The following ARL15 variants were observed in gnomAD, a reference collection of about 807,000 sequenced individuals.
ARL15 encodes the protein ADP-ribosylation factor-like protein 15.
ARL15 carries 19 observed loss-of-function variants against 25.2 expected under a neutral mutation model. The observed-to-expected ratio is 0.75, with a 90% confidence interval of 0.53 to 1.10. ARL15 has a LOEUF of 1.10. Among genes scored for constraint, ARL15 ranks in the 50% least tolerant of loss-of-function variants. The pLI is 0.00. For missense variants in ARL15, 220 were observed against 246.0 expected, an observed-to-expected ratio of 0.89 and a Z score of 0.71; for synonymous variants, 94 against 86.8, an observed-to-expected ratio of 1.08 and a Z score of -0.46.
intron 1 of ARL15, among the ~76,000 whole-genome samples, chr5:54,180,956 G>C (rs532680501): frequency 6.6e-6 from 1 of 152,122 alleles, no homozygotes; most frequent in South Asian, 2.1e-4. Flanking sequence ...AACCAGACCC[G>C]GGGCCCACGT....
intron 4 of ARL15, among the ~76,000 whole-genome samples, chr5:53,935,994 C>G (rs1746337900): frequency 6.6e-6 from 1 of 152,134 alleles, no homozygotes; most frequent in South Asian, 2.1e-4. Flanking sequence ...GGTGATCCAC[C>G]TGCCTCAGCC....
intron 1 of ARL15, among the ~76,000 whole-genome samples, chr5:54,210,714 A>G (rs1320239919): frequency 2.6e-5 from 4 of 152,368 alleles, no homozygotes; most frequent in East Asian, 1.9e-4. Context: ...ATTTGAATTG[A>G]CTAATCCTCA....
chr5:54,129,912 T>C (rs1256630620), intron 3 of ARL15, among the ~76,000 whole-genome samples: 4 of 152,320 alleles, frequency 2.6e-5, no homozygotes, highest in African/African-American at 9.6e-5. Flanking sequence ...AAATCAATTG[T>C]AAAGTTTATA....
chr5:54,122,591 T>G (rs1753118638), intron 3 of ARL15, among the ~76,000 whole-genome samples: 1 of 152,222 alleles, frequency 6.6e-6, no homozygotes, highest in Admixed American at 6.5e-5. Context: ...TTGGTACTAT[T>G]TTTTTCAGCG....
rs560964527 is a variant in ARL15, at chr5:54,056,670, A to G, written c.462+56532T>C. ...GTCTGATTCAAATTCTTCATTTTAC[A>G]AATAAAGAAACTGACACCTCGTGGG... On this transcript the variant is annotated intron_variant, in intron 4 of 4. Transcript: ENST00000504924. Among the ~76,000 whole-genome samples, 11 of 152,026 alleles carry G rather than the reference A, an allele frequency of 7.2e-5. 1 individual carries two copies. The South Asian group carries it at 2.3e-3, about 32-fold the overall frequency.
At chr5:54,167,990 T>G (rs1327268746) in intron 2 of ARL15, among the ~76,000 whole-genome samples, 1 of 152,226 alleles carries the variant, frequency 6.6e-6, no homozygotes. Context: ...TTCTTTTGAT[T>G]TCTTGCCCAT....
intron 3 of ARL15, among the ~76,000 whole-genome samples, chr5:54,125,587 T>C (rs908413267): frequency 2.0e-5 from 3 of 152,372 alleles, no homozygotes; most frequent in Non-Finnish European, 2.9e-5. Flanking sequence ...AGCATGTGCG[T>C]TGCTTCCATC....
intron 4 of ARL15, among the ~76,000 whole-genome samples, chr5:54,064,403 AAAG>A (rs1751155394): frequency 6.6e-6 from 1 of 152,210 alleles, no homozygotes; most frequent in Non-Finnish European, 1.5e-5. Flanking sequence ...TAGGGCAGCT[AAAG>A]AAGACCAAAG....
At chr5:53,895,238 C>A (rs1214980182) in intron 4 of ARL15, among the ~76,000 whole-genome samples, 1 of 152,226 alleles carries the variant, frequency 6.6e-6, no homozygotes, top group African/African-American at 2.4e-5. Context: ...GACTTCCTCT[C>A]CCCTGCTTTA....
chr5:53,996,482 G>A (rs912255567), intron 4 of ARL15, among the ~76,000 whole-genome samples: 3 of 152,062 alleles, frequency 2.0e-5, no homozygotes, highest in South Asian at 2.1e-4. Context: ...AGCTGGGCAC[G>A]GTGGTGCACA....
intron 1 of ARL15, among the ~76,000 whole-genome samples, chr5:54,231,010 TTC>T (rs1312712701): frequency 6.6e-6 from 1 of 152,134 alleles, no homozygotes; most frequent in Admixed American, 6.5e-5. Flanking sequence ...AGTAGCCCAT[TTC>T]TCTCTCCTGC....
At chr5:54,063,291 A>C (rs1579754852) in intron 4 of ARL15, among the ~76,000 whole-genome samples, 2 of 152,332 alleles carry the variant, frequency 1.3e-5, no homozygotes, top group African/African-American at 4.8e-5. Context: ...CTAGGAAATG[A>C]GGATTCTGCA....
intron 1 of ARL15, among the ~76,000 whole-genome samples, chr5:54,257,536 A>C (rs1757399649): frequency 6.6e-6 from 1 of 152,220 alleles, no homozygotes; most frequent in African/African-American, 2.4e-5. Context: ...TAGGCTCTGG[A>C]TCTGAGGTGC....
At chr5:53,969,777 A>G (rs1747676912) in intron 4 of ARL15, among the ~76,000 whole-genome samples, 1 of 152,212 alleles carries the variant, frequency 6.6e-6, no homozygotes, top group South Asian at 2.1e-4. Flanking sequence ...AGAAGGTTAC[A>G]AAAACTTTCT....
chr5:54,205,214 T>G (rs1403059834), intron 1 of ARL15, among the ~76,000 whole-genome samples: 2 of 152,090 alleles, frequency 1.3e-5, no homozygotes, highest in Non-Finnish European at 2.9e-5. Flanking sequence ...TTTGGGAGGA[T>G]TATTGTTTTT....
chr5:53,967,853 A>G (rs1257190484), intron 4 of ARL15, among the ~76,000 whole-genome samples: 1 of 152,198 alleles, frequency 6.6e-6, no homozygotes, highest in Non-Finnish European at 1.5e-5. Flanking sequence ...ATAAGTAACT[A>G]GACAATTGAA....
chr5:54,192,679 C>G (rs1421652780), intron 1 of ARL15, among the ~76,000 whole-genome samples: 1 of 149,384 alleles, frequency 6.7e-6, no homozygotes, highest in Non-Finnish European at 1.5e-5. Flanking sequence ...CGGGTCTAGA[C>G]AGAGTTTTAA....
chr5:54,140,465 TAGAGATAG>T (rs1753743045), intron 3 of ARL15, among the ~76,000 whole-genome samples: 1 of 139,502 alleles, frequency 7.2e-6, no homozygotes, highest in Non-Finnish European at 1.6e-5. Context: ...GATAGATAGA[TAGAGATAG>T]AGATAGAGAT....
At chr5:54,282,618 T>C (rs1758089156) in intron 1 of ARL15, 2 of 949,690 alleles carry the variant, frequency 2.1e-6, no homozygotes, top group African/African-American at 3.5e-5. Flanking sequence ...TAATTTTACT[T>C]CTTTCAAATC....
Sources: allele counts gnomAD v4.1 joint callset (sites outside exome capture counted in the v4.1 genomes callset), GRCh38; gene constraint gnomAD v4.1.1; transcripts MANE v1.5; gene names NCBI Gene and HGNC (gene_info 2026-07-23, HGNC 2026-07-21).